SHMT1: variants seen among roughly 807,000 people sequenced by gnomAD.
The protein encoded by SHMT1 is serine hydroxymethyltransferase, cytosolic.
A neutral mutation model predicts 49.0 loss-of-function variants in SHMT1; 45 were observed. The observed-to-expected ratio is 0.92, with a 90% CI of 0.72 to 1.18. The LOEUF (loss-of-function observed/expected upper bound fraction) is 1.18. SHMT1 is among the 50% of genes most tolerant of loss of function. The probability of loss-of-function intolerance (pLI) is 0.00; values close to 1 mark genes in which losing one functional copy is unlikely to be tolerated. For synonymous variants in SHMT1, 232 were observed against 246.6 expected (o/e 0.94, Z 0.55); for missense variants, 541 against 612.4 (o/e 0.88, Z 1.23).
chr17:18,353,700 T>C lies in SHMT1; in HGVS notation c.214A>G (p.Lys72Glu). 6.2e-7 allele frequency: 1 copy of C among 1,614,134 alleles called. No individual in the cohort carries two copies. Among genetic ancestry groups the C allele is most frequent in the Non-Finnish European group, 8.5e-7 (1 of 1,180,038 alleles). Reference sequence around the variant, plus strand: ...TGGCCCGGGTACCCCTCAGAGTATTTGTTATTTAAGCAAGAGCCTAGGGCC... The same window carrying C: ...TGGCCCGGGTACCCCTCAGAGTATTCGTTATTTAAGCAAGAGCCTAGGGCC... ...LEALGSCLNNKYSEGYPGQRY... is the reference protein window; with the variant it reads ...LEALGSCLNNEYSEGYPGQRY... Residue 72 changes from lysine (K) to glutamate (E), a missense_variant, in exon 3 of 12, where the codon AAA becomes GAA. Coordinates refer to ENST00000316694, the MANE Select transcript of SHMT1 (RefSeq NM_004169.5).
intron 1 of SHMT1, among the ~76,000 whole-genome samples, chr17:18,362,480 G>A (rs1040658273): frequency 6.6e-6 from 1 of 151,960 alleles, no homozygotes; most frequent in Non-Finnish European, 1.5e-5. Context: ...GCCACCATGG[G>A]CAGCCAGGTT....
chr17:18,340,036 A>G lies in SHMT1; in HGVS notation c.814+7T>C, dbSNP rs775322068. ...TACCCATCTGTACCCAACATTCGGG[A>G]GCTCACCTTTCCTGTAGAAGATCAT... is the stretch of plus-strand genomic sequence containing the variant. On this transcript the variant is annotated splice_region_variant and intron_variant, in intron 7 of 11. Transcript: ENST00000316694. This position sits in a 1 kb window ranked among gnomAD's most constrained non-coding sequence, Gnocchi z 4.5. 6.2e-7 allele frequency: 1 copy of G among 1,612,698 alleles called. No homozygotes were observed. The highest frequency in any genetic ancestry group is 8.5e-7 in the Non-Finnish European group (1 of 1,179,902).
chr17:18,340,016 A>G lies in SHMT1; in HGVS notation c.814+27T>C, dbSNP rs2151578668. On this transcript the variant is annotated intron_variant, in intron 7 of 11. Coordinates refer to ENST00000316694, the MANE Select transcript of SHMT1 (RefSeq NM_004169.5). The surrounding 1 kb of genome is among the most constrained non-coding windows in gnomAD (Gnocchi z 4.5). ...AGGAGAAATGTAAACCATGGTACCC[A>G]TCTGTACCCAACATTCGGGAGCTCA... 1 of 1,606,204 alleles carries G rather than the reference A, an allele frequency of 6.2e-7. No individual in the cohort carries two copies. Among genetic ancestry groups the G allele is most frequent in the East Asian group, 2.2e-5 (1 of 44,876 alleles).
At chr17:18,348,278 G>C in intron 4 of SHMT1, 47 bp downstream of exon 4, 1 of 1,214,544 alleles carries the variant, frequency 8.2e-7, no homozygotes, top group Non-Finnish European at 1.2e-6. Flanking sequence ...GGCCCTGGGG[G>C]ATGCACATGA....
At chr17:18,347,816 G>T (rs948571561) in intron 4 of SHMT1, among the ~76,000 whole-genome samples, 160 bp from the exon 5 acceptor site, 1 of 152,110 alleles carries the variant, frequency 6.6e-6, no homozygotes, top group Non-Finnish European at 1.5e-5. Context: ...GCCTTGAGAG[G>T]TGAAGTTCAG....
intron 3 of SHMT1, among the ~76,000 whole-genome samples, chr17:18,349,743 C>T (rs747280827): frequency 7.9e-5 from 12 of 151,748 alleles, no homozygotes; most frequent in Non-Finnish European, 1.6e-4. Context: ...AGGCCGGGCC[C>T]GGCGTAGTGG....
chr17:18,330,302 ATTC>A (rs970874697), intron 10 of SHMT1, among the ~76,000 whole-genome samples: 2 of 151,946 alleles, frequency 1.3e-5, no homozygotes, highest in East Asian at 3.9e-4. Context: ...TGCCCAGCTA[ATTC>A]TTCTATTTTT....
Position 18,340,988 on chromosome 17 carries a change from C to G in SHMT1, c.520-175G>C. 1.5e-6 allele frequency: 1 copy of G among 646,690 alleles called. No homozygotes were observed. The highest frequency in any genetic ancestry group is 2.8e-6 in the Non-Finnish European group (1 of 353,586). The allele number at this position is 646,690 out of a possible 1,614,324, so 40.1% of individuals were successfully genotyped here. On this transcript the variant is annotated intron_variant, in intron 5 of 11. Transcript: ENST00000316694. The surrounding 1 kb of genome is among the most constrained non-coding windows in gnomAD (Gnocchi z 4.5). ...GTTCAGCCTGCTCAACCAAGTATGGCTCACAGACCCAGGAGTCCCTGAGGA... is the reference window on the plus strand; with the variant it reads ...GTTCAGCCTGCTCAACCAAGTATGGGTCACAGACCCAGGAGTCCCTGAGGA...
At chr17:18,341,872 C>T (rs957254404) in intron 5 of SHMT1, among the ~76,000 whole-genome samples, 38 of 152,150 alleles carry the variant, frequency 2.5e-4, no homozygotes, top group Non-Finnish European at 5.4e-4. Context: ...CAGAACCACA[C>T]ACAACACAGG....
chr17:18,329,177 G>A (rs1982896931), intron 11 of SHMT1, 101 bp downstream of exon 11: 1 of 947,464 alleles, frequency 1.1e-6, no homozygotes. Context: ...CTCAGCCTTG[G>A]TGCAGAATTG....
rs1337101617 is a variant in SHMT1, at chr17:18,340,458, G to A, written c.602-203C>T. 1.5e-6 allele frequency: 1 copy of A among 685,992 alleles called. No individual in the cohort carries two copies. The highest frequency in any genetic ancestry group is 2.6e-6 in the Non-Finnish European group (1 of 390,746). 42.5% of individuals were successfully genotyped at this position (685,992 alleles called of 1,614,324 possible). On this transcript the variant is annotated intron_variant, in intron 6 of 11. Transcript: ENST00000316694. The surrounding 1 kb of genome is among the most constrained non-coding windows in gnomAD (Gnocchi z 4.5). ...AACTCTTCAACGTCTTGGTGGTTGA[G>A]ATGGCCCCAACTACTATTGCCAGCG...
chr17:18,337,697 G>A (rs1310624000), intron 7 of SHMT1, among the ~76,000 whole-genome samples: 3 of 140,182 alleles, frequency 2.1e-5, no homozygotes, highest in South Asian at 2.2e-4. Flanking sequence ...TCAGCCTGCC[G>A]AGTGCCTGGG....
intron 5 of SHMT1, among the ~76,000 whole-genome samples, chr17:18,343,218 A>G (rs1043859157): frequency 6.6e-6 from 1 of 152,152 alleles, no homozygotes; most frequent in African/African-American, 2.4e-5. Context: ...AAAAAAGTCA[A>G]TTCCAAACAG....
In SHMT1 at chr17:18,352,524, A is replaced by G. The variant is rs530209664; in HGVS notation, c.242+1148T>C. Among the ~76,000 whole-genome samples, 187 of 152,220 alleles carry G rather than the reference A, an allele frequency of 1.2e-3. 1 individual carries two copies. Among genetic ancestry groups the G allele is most frequent in the African/African-American group, 4.4e-3 (182 of 41,550 alleles). ...GAATCGAATGAAATATTAGTTTTGA[A>G]AACACCTGGTGTGGACCGGGTGCAG... On this transcript the variant is annotated intron_variant, in intron 3 of 11. Transcript: ENST00000316694.
At chr17:18,348,526 C>G (rs1243590857) in intron 3 of SHMT1, 86 bp from the exon 4 acceptor site, 1 of 917,780 alleles carries the variant, frequency 1.1e-6, no homozygotes, top group South Asian at 1.3e-5. Context: ...AGGGGTGGGA[C>G]AGTGAAACTA....
intron 5 of SHMT1, among the ~76,000 whole-genome samples, chr17:18,342,662 G>C (rs568818474): frequency 2.0e-5 from 3 of 152,110 alleles, no homozygotes; most frequent in Admixed American, 6.6e-5. Flanking sequence ...ACTGCTGGGC[G>C]TGGTGGCTTA....
chr17:18,333,232 G>GGT lies in SHMT1; in HGVS notation c.986_987dup (p.Gln330ThrfsTer14), dbSNP rs755612967. 6 of 1,613,752 alleles carry GGT rather than the reference G, an allele frequency of 3.7e-6. No individual in the cohort carries two copies. Among genetic ancestry groups the GGT allele is most frequent in the African/African-American group, 1.3e-5 (1 of 74,928 alleles). ...AGAGCCCTGCAGTTGGCCACCACCT[G>GGT]GTGTTGATAAACTTTAAATTCCAGA... On this transcript the variant is annotated frameshift_variant, in exon 9 of 12. Coordinates refer to ENST00000316694, the MANE Select transcript of SHMT1 (RefSeq NM_004169.5). LOFTEE classifies it high-confidence loss of function.
chr17:18,339,371 G>A (rs1984228797), intron 7 of SHMT1, among the ~76,000 whole-genome samples: 1 of 152,150 alleles, frequency 6.6e-6, no homozygotes. Flanking sequence ...AGCCTTGTGA[G>A]GCCTCCCAGT....
chr17:18,332,833 C>T, intron 9 of SHMT1: 1 of 391,018 alleles, frequency 2.6e-6, no homozygotes, highest in Admixed American at 3.5e-5. Context: ...GTCCTGGTGC[C>T]ACCTACCAGG....
Sources: gnomAD v4.1 joint callset for allele counts (sites outside exome capture counted in the v4.1 genomes callset) on GRCh38, gnomAD v4.1.1 for gene constraint, Gnocchi (gnomAD v3.1) non-coding constraint, MANE v1.5 for transcripts, NCBI Gene and HGNC (gene_info 2026-07-23, HGNC 2026-07-21) for gene names.